The following SUPT3H variants were observed in gnomAD, a reference collection of about 807,000 sequenced individuals.
SUPT3H encodes the protein transcription initiation protein SPT3 homolog.
Under a neutral mutation model 44.3 loss-of-function variants are expected in SUPT3H, and 44 were observed. The ratio of observed to expected loss-of-function variants is 0.99; its 90% CI spans 0.78 to 1.28. SUPT3H has a LOEUF of 1.28. Ranked by LOEUF, SUPT3H falls within the 50% of genes most tolerant of loss-of-function variation. The pLI, the probability that SUPT3H is intolerant of heterozygous loss-of-function variation, is 0.00. For synonymous variants in SUPT3H, 124 were observed against 125.6 expected, an observed-to-expected ratio of 0.99 and a Z score of 0.09; for missense variants, 380 against 387.1, an observed-to-expected ratio of 0.98 and a Z score of 0.15.
intron 2 of SUPT3H, among the ~76,000 whole-genome samples, chr6:45,291,543 CA>C (rs1037240980): frequency 6.6e-6 from 1 of 151,854 alleles, no homozygotes; most frequent in African/African-American, 2.4e-5. Context: ...TAAGGAAATC[CA>C]AAAAATATTA....
chr6:45,055,356 T>C (rs1044057604), intron 3 of SUPT3H, among the ~76,000 whole-genome samples: 5 of 152,098 alleles, frequency 3.3e-5, no homozygotes, highest in Non-Finnish European at 2.9e-5. Flanking sequence ...GAAGGCTGCA[T>C]AGACAAAGGG....
intron 2 of SUPT3H, among the ~76,000 whole-genome samples, chr6:45,225,177 G>C (rs754648386): frequency 3.4e-4 from 52 of 151,710 alleles, no homozygotes; most frequent in Non-Finnish European, 6.3e-4. Context: ...TACTCGGGAG[G>C]CTGAGGCAGG....
intron 2 of SUPT3H, among the ~76,000 whole-genome samples, chr6:45,210,762 A>G (rs141640337): frequency 2.0e-5 from 3 of 152,344 alleles, no homozygotes; most frequent in African/African-American, 7.2e-5. Context: ...AAACTATAGT[A>G]TAGGGTAAAT....
intron 2 of SUPT3H, among the ~76,000 whole-genome samples, chr6:45,134,494 G>C (rs4295474): frequency 0.052 from 7,984 of 152,126 alleles, 728 homozygotes; most frequent in African/African-American, 0.18. Flanking sequence ...ACTCATTCCA[G>C]CAGCAACTCA....
chr6:44,921,129 T>C (rs143600200), intron 10 of SUPT3H, among the ~76,000 whole-genome samples: 179 of 152,310 alleles, frequency 1.2e-3, no homozygotes, highest in Non-Finnish European at 1.9e-3. Flanking sequence ...TCCCTCCCAA[T>C]ATATTTCTAA....
chr6:45,268,626 A>C (rs1012227586), intron 2 of SUPT3H, among the ~76,000 whole-genome samples: 1 of 152,194 alleles, frequency 6.6e-6, no homozygotes, highest in Non-Finnish European at 1.5e-5. Flanking sequence ...AGTAAACTAC[A>C]GCAGAGGCAC....
chr6:45,249,446 A>C (rs1251799371), intron 2 of SUPT3H, among the ~76,000 whole-genome samples: 1 of 147,036 alleles, frequency 6.8e-6, no homozygotes, highest in Non-Finnish European at 1.5e-5. Context: ...CAAACAACAG[A>C]CACACAAAAA....
chr6:44,869,619 T>G (rs3799977), intron 10 of SUPT3H, among the ~76,000 whole-genome samples: 51,074 of 151,946 alleles, frequency 0.34, 9,530 homozygotes, highest in Admixed American at 0.41. Flanking sequence ...TGCAAAGAAA[T>G]ATAAACCAAG....
At chr6:45,339,230 A>C (rs1325150853) in intron 2 of SUPT3H, among the ~76,000 whole-genome samples, 1 of 152,144 alleles carries the variant, frequency 6.6e-6, no homozygotes, top group African/African-American at 2.4e-5. Context: ...TTCTTATGTT[A>C]CAGTGGTATC....
intron 2 of SUPT3H, chr6:45,328,448 A>T (rs773845542): frequency 2.0e-6 from 3 of 1,466,976 alleles, no homozygotes; most frequent in Non-Finnish European, 2.8e-6. Context: ...AGCCACCGAG[A>T]CCAACAGAGT....
chr6:44,848,208 G>A (rs942427790), intron 10 of SUPT3H, among the ~76,000 whole-genome samples: 7 of 151,880 alleles, frequency 4.6e-5, no homozygotes, highest in Admixed American at 1.3e-4. Flanking sequence ...ATCCTCAAGT[G>A]ATCCACCTGT....
intron 10 of SUPT3H, among the ~76,000 whole-genome samples, chr6:44,909,523 T>C (rs748969632): frequency 4.6e-5 from 7 of 152,362 alleles, no homozygotes; most frequent in Middle Eastern, 3.4e-3. Context: ...AATGCTCAGA[T>C]TAAGTCTTAA....
chr6:45,092,788 C>G (rs916499444), intron 3 of SUPT3H, among the ~76,000 whole-genome samples: 1 of 148,928 alleles, frequency 6.7e-6, no homozygotes, highest in African/African-American at 2.5e-5. Flanking sequence ...CAATTTTATT[C>G]TAGTGCTTCA....
intron 10 of SUPT3H, among the ~76,000 whole-genome samples, chr6:44,833,930 C>T (rs935519113): frequency 6.6e-6 from 1 of 152,180 alleles, no homozygotes; most frequent in Non-Finnish European, 1.5e-5. Flanking sequence ...CTTCCGAGTA[C>T]AGACAATGGA....
intron 2 of SUPT3H, among the ~76,000 whole-genome samples, chr6:45,234,180 C>T (rs1486794090): frequency 2.6e-5 from 4 of 152,112 alleles, no homozygotes; most frequent in African/African-American, 9.7e-5. Flanking sequence ...TAAATACTAA[C>T]ATTATATTCA....
intron 9 of SUPT3H, among the ~76,000 whole-genome samples, chr6:44,947,166 G>C (rs1773481594): frequency 6.6e-6 from 1 of 152,158 alleles, no homozygotes; most frequent in African/African-American, 2.4e-5. Context: ...CTACAGTATA[G>C]CGTAAACATA....
At chr6:45,052,470 T>C (rs1366704625) in intron 3 of SUPT3H, among the ~76,000 whole-genome samples, 2 of 152,216 alleles carry the variant, frequency 1.3e-5, no homozygotes, top group South Asian at 2.1e-4. Context: ...ATGGCATGAC[T>C]ACCTTTCAGT....
In SUPT3H at chr6:44,827,847, T is replaced by TATTAA. The variant is rs5875895; in HGVS notation, c.*1968_*1969insTTAAT. 6.6e-6 allele frequency among the ~76,000 whole-genome samples: 1 copy of TATTAA among 151,902 alleles called. No individual in the cohort carries two copies. Among genetic ancestry groups the TATTAA allele is most frequent in the African/African-American group, 2.4e-5 (1 of 41,352 alleles). On this transcript the variant is annotated 3_prime_UTR_variant, in exon 11 of 11. Transcript: ENST00000371459. ...TGGCTTATGATGAAAAATGAAAGGT[T>TATTAA]TTATATGAACTTACTGGGCAAAACC... is the stretch of plus-strand genomic sequence containing the variant.
chr6:45,076,454 G>A (rs534450748), intron 3 of SUPT3H, among the ~76,000 whole-genome samples: 2 of 151,312 alleles, frequency 1.3e-5, no homozygotes, highest in African/African-American at 4.8e-5. Flanking sequence ...AGATGGAGAT[G>A]TTCTTCCTGT....
Sources: gnomAD v4.1 joint callset for allele counts (sites outside exome capture counted in the v4.1 genomes callset) on GRCh38, gnomAD v4.1.1 for gene constraint, MANE v1.5 for transcripts, NCBI Gene and HGNC (gene_info 2026-07-23, HGNC 2026-07-21) for gene names.